The following HDAC4 variants were observed in gnomAD, a reference collection of about 807,000 sequenced individuals.
The protein encoded by HDAC4 is histone deacetylase 4, also known as histone deacetylase A.
HDAC4 carries 16 observed loss-of-function variants against 135.1 expected under a neutral mutation model. The ratio of observed to expected loss-of-function variants is 0.12; its 90% CI spans 0.08 to 0.18. The LOEUF (loss-of-function observed/expected upper bound fraction) is 0.18. Among genes scored for constraint, HDAC4 ranks in the 10% least tolerant of loss-of-function variants. HDAC4 has a pLI of 1.00. For synonymous variants in HDAC4, 685 were observed against 653.4 expected, an observed-to-expected ratio of 1.05 and a Z score of -0.74; for missense variants, 1,143 against 1,511.8, an observed-to-expected ratio of 0.76 and a Z score of 4.05.
intron 2 of HDAC4, among the ~76,000 whole-genome samples, chr2:239,277,016 C>T (rs1021299526): frequency 3.3e-5 from 5 of 152,182 alleles, no homozygotes; most frequent in African/African-American, 9.7e-5. Context: ...TCCACTGCCG[C>T]GCCCTCCTGG....
chr2:239,159,683 TCACA>T (rs1299232339), intron 6 of HDAC4, among the ~76,000 whole-genome samples: 1 of 151,616 alleles, frequency 6.6e-6, no homozygotes, highest in African/African-American at 2.4e-5. Flanking sequence ...CAGCCCACAC[TCACA>T]CTCACCCCGG....
intron 24 of HDAC4, among the ~76,000 whole-genome samples, chr2:239,066,089 G>A (rs988179145): frequency 1.3e-5 from 2 of 152,076 alleles, no homozygotes; most frequent in Non-Finnish European, 2.9e-5. Flanking sequence ...AGGGAGGCCC[G>A]GGCCCCAGCG....
At chr2:239,216,111 A>G (rs1357908456) in intron 3 of HDAC4, among the ~76,000 whole-genome samples, 1 of 152,174 alleles carries the variant, frequency 6.6e-6, no homozygotes, top group Non-Finnish European at 1.5e-5. Flanking sequence ...CATTTTAATT[A>G]GGGCCATATT....
chr2:239,120,364 GAT>G (rs2039533033), intron 12 of HDAC4, among the ~76,000 whole-genome samples: 1 of 137,496 alleles, frequency 7.3e-6, no homozygotes, highest in Admixed American at 7.2e-5. Flanking sequence ...TACACACACA[GAT>G]ACATATACCC....
chr2:239,163,708 G>A (rs769364007), intron 6 of HDAC4, 95 bp downstream of exon 6: 158 of 1,305,060 alleles, frequency 1.2e-4, no homozygotes, highest in Non-Finnish European at 1.6e-4. Flanking sequence ...CCCTGCCTCC[G>A]GTGAAGAGCT....
intron 7 of HDAC4, among the ~76,000 whole-genome samples, chr2:239,155,823 G>T (rs987880553): frequency 4.6e-5 from 7 of 152,210 alleles, no homozygotes; most frequent in Non-Finnish European, 1.0e-4. Context: ...CTTGCAGTTT[G>T]TAGGATCCAC....
At chr2:239,102,991 G>A in intron 15 of HDAC4, 95 bp from the exon 16 acceptor site, 2 of 1,489,100 alleles carry the variant, frequency 1.3e-6, no homozygotes, top group Non-Finnish European at 9.3e-7. Flanking sequence ...TTGCCCAAAA[G>A]GAAACTTAAT....
chr2:239,108,293 A>G (rs2038343502), intron 14 of HDAC4, 110 bp from the exon 15 acceptor site: 1 of 1,332,040 alleles, frequency 7.5e-7, no homozygotes, highest in Non-Finnish European at 1.1e-6. Flanking sequence ...CTAGAAGGAG[A>G]CGGAAGCTGG....
chr2:239,144,500 G>C, intron 8 of HDAC4, 83 bp downstream of exon 8: 1 of 1,580,152 alleles, frequency 6.3e-7, no homozygotes, highest in South Asian at 1.1e-5. Context: ...TGGGTTTTCA[G>C]AAGCTCCTGA....
At chr2:239,327,365 C>T (rs1280688707) in intron 2 of HDAC4, among the ~76,000 whole-genome samples, 1 of 152,198 alleles carries the variant, frequency 6.6e-6, no homozygotes, top group Non-Finnish European at 1.5e-5. Flanking sequence ...CCATGCAGCT[C>T]AGAAACTGGG....
chr2:239,230,483 C>T (rs1340192552), intron 3 of HDAC4, among the ~76,000 whole-genome samples: 1 of 151,186 alleles, frequency 6.6e-6, no homozygotes, highest in Non-Finnish European at 1.5e-5. Flanking sequence ...GGCCGGAGGG[C>T]ATTGATTCCT....
At chr2:239,070,805 A>C (rs557289308) in intron 22 of HDAC4, among the ~76,000 whole-genome samples, 1 of 152,270 alleles carries the variant, frequency 6.6e-6, no homozygotes, top group Non-Finnish European at 1.5e-5. Context: ...AAAAAATATA[A>C]ACTTTATTTC....
intron 2 of HDAC4, among the ~76,000 whole-genome samples, chr2:239,250,006 G>T (rs902326080): frequency 1.3e-5 from 2 of 152,118 alleles, no homozygotes; most frequent in African/African-American, 2.4e-5. Context: ...TCCCGCCTCT[G>T]GAAGGAGGCC....
chr2:239,304,240 A>G (rs906690039), intron 2 of HDAC4, among the ~76,000 whole-genome samples: 16 of 152,054 alleles, frequency 1.1e-4, no homozygotes, highest in African/African-American at 3.9e-4. Flanking sequence ...CAAAGCCCAG[A>G]GCTGGGAAGG....
intron 3 of HDAC4, among the ~76,000 whole-genome samples, chr2:239,199,859 G>A (rs1359060115): frequency 6.6e-5 from 10 of 151,854 alleles, no homozygotes; most frequent in African/African-American, 2.2e-4. Context: ...TCAGCCTTCC[G>A]AGTAGCTGGG....
intron 11 of HDAC4, among the ~76,000 whole-genome samples, chr2:239,133,793 C>T (rs1275071976): frequency 2.0e-5 from 3 of 152,212 alleles, no homozygotes; most frequent in Non-Finnish European, 4.4e-5. Flanking sequence ...TGAAGTGACA[C>T]TTTCACATTG....
intron 2 of HDAC4, among the ~76,000 whole-genome samples, chr2:239,310,100 C>T (rs986431954): frequency 6.6e-6 from 1 of 152,250 alleles, no homozygotes; most frequent in Non-Finnish European, 1.5e-5. Flanking sequence ...AATCAAACCA[C>T]TAAACCCCAG....
intron 5 of HDAC4, among the ~76,000 whole-genome samples, chr2:239,173,444 A>T (rs896434525): frequency 3.9e-5 from 6 of 152,242 alleles, no homozygotes; most frequent in Non-Finnish European, 8.8e-5. Context: ...GCACCTGACA[A>T]AAATCAATAT....
intron 14 of HDAC4, among the ~76,000 whole-genome samples, 165 bp downstream of exon 14, chr2:239,111,361 G>A (rs931068447): frequency 2.0e-5 from 3 of 152,194 alleles, no homozygotes; most frequent in African/African-American, 4.8e-5. Flanking sequence ...AGGGCGGGGA[G>A]AGGGCCTCTG....
Sources: allele counts gnomAD v4.1 joint callset (sites outside exome capture counted in the v4.1 genomes callset), GRCh38; gene constraint gnomAD v4.1.1; transcripts MANE v1.5; gene names NCBI Gene and HGNC (gene_info 2026-07-23, HGNC 2026-07-21).